EFCAB8: variants seen among roughly 807,000 people sequenced by gnomAD.
EFCAB8 encodes EF-hand calcium binding domain 8.
In EFCAB8, 100 loss-of-function variants were observed where a neutral mutation model predicts 116.3. The observed-to-expected ratio is 0.86, with a 90% confidence interval of 0.73 to 1.02. The LOEUF is 1.02. Ranked by LOEUF, EFCAB8 falls within the 50% of genes least tolerant of loss-of-function variation. The pLI, the probability that EFCAB8 is intolerant of heterozygous loss-of-function variation, is 0.00. For synonymous variants in EFCAB8, 558 were observed against 567.9 expected (o/e 0.98, Z 0.25); for missense variants, 1,320 against 1,416.9 (o/e 0.93, Z 1.10).
intron 6 of EFCAB8, among the ~76,000 whole-genome samples, chr20:32,886,598 G>A (rs1420383698): frequency 2.0e-5 from 3 of 152,074 alleles, no homozygotes; most frequent in Non-Finnish European, 2.9e-5. Flanking sequence ...GTGCACCAAG[G>A]GGGAGTCACG....
chr20:32,913,262 G>A (rs1054515146), intron 17 of EFCAB8, among the ~76,000 whole-genome samples: 1 of 152,144 alleles, frequency 6.6e-6, no homozygotes, highest in Non-Finnish European at 1.5e-5. Flanking sequence ...CAGATTTGGT[G>A]CCTGGTGAGG....
intron 20 of EFCAB8, among the ~76,000 whole-genome samples, chr20:32,925,944 A>G (rs1157514989): frequency 6.6e-6 from 1 of 152,158 alleles, no homozygotes; most frequent in Non-Finnish European, 1.5e-5. Flanking sequence ...TGCAAAAGGA[A>G]TAGTGTTGGT....
chr20:32,900,937 C>T (rs571562441), intron 11 of EFCAB8, among the ~76,000 whole-genome samples: 116 of 151,814 alleles, frequency 7.6e-4, no homozygotes, highest in African/African-American at 2.8e-3. Flanking sequence ...CTCTTGACCT[C>T]GTGATCCGCC....
chr20:32,869,493 C>T (rs928605779), intron 3 of EFCAB8, among the ~76,000 whole-genome samples: 6 of 152,322 alleles, frequency 3.9e-5, no homozygotes, highest in South Asian at 4.1e-4. Context: ...GCCTTAGCCT[C>T]CCAAAGTGCT....
chr20:32,893,023 T>C, intron 8 of EFCAB8, 151 bp from the exon 9 acceptor site: 1 of 839,912 alleles, frequency 1.2e-6, no homozygotes, highest in Admixed American at 2.7e-5. Context: ...GTATTTTTAG[T>C]AGAGATGAGG....
intron 16 of EFCAB8, among the ~76,000 whole-genome samples, chr20:32,912,235 G>T (rs970176021): frequency 6.6e-6 from 1 of 151,960 alleles, no homozygotes; most frequent in Non-Finnish European, 1.5e-5. Flanking sequence ...CCAGGAGTTC[G>T]AGACCAGCCT....
chr20:32,956,221 A>G (rs1951702616), intron 23 of EFCAB8, among the ~76,000 whole-genome samples: 1 of 151,936 alleles, frequency 6.6e-6, no homozygotes, highest in South Asian at 2.1e-4. Context: ...CATCCCTCCC[A>G]TGTTTATGTT....
intron 5 of EFCAB8, among the ~76,000 whole-genome samples, chr20:32,881,831 T>C (rs1985354400): frequency 6.6e-6 from 1 of 152,184 alleles, no homozygotes; most frequent in Non-Finnish European, 1.5e-5. Flanking sequence ...TTTTGCCAGA[T>C]GGGATGAAGG....
At chr20:32,894,759 C>T (rs1986078186) in intron 9 of EFCAB8, among the ~76,000 whole-genome samples, 1 of 152,226 alleles carries the variant, frequency 6.6e-6, no homozygotes, top group Non-Finnish European at 1.5e-5. Context: ...GAACGTTAGG[C>T]ACCTAGTAAG....
chr20:32,876,192 G>A (rs1984961314), intron 4 of EFCAB8, 148 bp downstream of exon 4: 2 of 686,736 alleles, frequency 2.9e-6, no homozygotes, highest in South Asian at 1.8e-5. Context: ...GACTTGCCTG[G>A]TGGAGACGTC....
At chr20:32,882,278 T>A (rs1985378409) in intron 5 of EFCAB8, among the ~76,000 whole-genome samples, 1 of 152,116 alleles carries the variant, frequency 6.6e-6, no homozygotes, top group Non-Finnish European at 1.5e-5. Flanking sequence ...TTGCTGCAAG[T>A]GGCAGCCCTC....
chr20:32,865,511 C>G (rs1984343881), intron 2 of EFCAB8, among the ~76,000 whole-genome samples: 1 of 151,938 alleles, frequency 6.6e-6, no homozygotes, highest in Admixed American at 6.6e-5. Context: ...GATTTGCTGC[C>G]TAGAAGCCAG....
In EFCAB8 at chr20:32,898,473, C is replaced by T. The variant is rs1986270497; in HGVS notation, c.958-20C>T. ...GTTGTCCTTGGGTGGAGTCTCCCAC[C>T]ATTGCTACTGTCTTCCCAGGCTCTC... On this transcript the variant is annotated intron_variant, in intron 10 of 26. Coordinates refer to ENST00000400522, the MANE Select transcript of EFCAB8 (RefSeq NM_001143967.2). 1.4e-6 allele frequency: 1 copy of T among 713,506 alleles called. No homozygotes were observed. Among genetic ancestry groups the T allele is most frequent in the Admixed American group, 2.0e-5 (1 of 49,932 alleles). The allele number at this position is 713,506 out of a possible 1,614,324, so 44.2% of individuals were successfully genotyped here.
At chr20:32,911,336 A>T in intron 15 of EFCAB8, 144 bp from the exon 16 acceptor site, 1 of 643,386 alleles carries the variant, frequency 1.6e-6, no homozygotes, top group Non-Finnish European at 2.5e-6. Flanking sequence ...TCCTGTTTTC[A>T]AAAGTGGCTT....
intron 1 of EFCAB8, among the ~76,000 whole-genome samples, chr20:32,863,097 G>T (rs1473141317): frequency 1.3e-5 from 2 of 151,720 alleles, no homozygotes; most frequent in Admixed American, 6.6e-5. Flanking sequence ...GGCTCAGTTG[G>T]TCTGCCCCCT....
chr20:32,944,029 A>C (rs1988498422), intron 23 of EFCAB8, among the ~76,000 whole-genome samples: 1 of 152,182 alleles, frequency 6.6e-6, no homozygotes. Flanking sequence ...ATTTTTGCAA[A>C]TCATATATCT....
At position 32,931,207 on chromosome 20, in the gene EFCAB8, GA is replaced by G. The variant is rs1451377222; in HGVS notation, c.2662del (p.Ile888LeufsTer24). ...IWDIKDYCALIDKQPFQSSGA... is the reference protein window; with the variant it reads ...IWDIKDYCALXDKQPFQSSGA... ...GGGACATCAAGGATTACTGCGCATT[GA>G]TTGATAAACAGCCATTCCAATCCAG... On this transcript the variant is annotated frameshift_variant, in exon 22 of 27. Coordinates refer to ENST00000400522, the MANE Select transcript of EFCAB8 (RefSeq NM_001143967.2). LOFTEE classifies it high-confidence loss of function. 2 of 1,549,974 alleles carry G rather than the reference GA, an allele frequency of 1.3e-6. No individual in the cohort carries two copies. The highest frequency in any genetic ancestry group is 3.9e-5 in the Admixed American group (2 of 50,664).
intron 22 of EFCAB8, among the ~76,000 whole-genome samples, chr20:32,939,191 CTT>C (rs1300235770): frequency 1.2e-4 from 7 of 57,968 alleles, no homozygotes; most frequent in Admixed American, 3.7e-4. Context: ...TTCTTTCTTT[CTT>C]TCTTTCTTTC....
At chr20:32,947,350 T>G (rs1600462737) in intron 23 of EFCAB8, among the ~76,000 whole-genome samples, 1 of 152,226 alleles carries the variant, frequency 6.6e-6, no homozygotes, top group African/African-American at 2.4e-5. Flanking sequence ...TGAATAACAC[T>G]ATCAAACAAT....
Sources: gnomAD v4.1 joint callset for allele counts (sites outside exome capture counted in the v4.1 genomes callset) on GRCh38, gnomAD v4.1.1 for gene constraint, MANE v1.5 for transcripts, NCBI Gene and HGNC (gene_info 2026-07-23, HGNC 2026-07-21) for gene names.